DCAF1: variants seen among roughly 807,000 people sequenced by gnomAD.
DCAF1 encodes the protein DDB1 and CUL4 associated factor 1.
A neutral mutation model predicts 128.0 loss-of-function variants in DCAF1; 15 were observed. The observed-to-expected ratio is 0.12, with a 90% CI of 0.08 to 0.18. The LOEUF is 0.18. Among genes scored for constraint, DCAF1 ranks in the 10% least tolerant of loss-of-function variants. The pLI, the probability that DCAF1 is intolerant of heterozygous loss-of-function variation, is 1.00. For missense variants in DCAF1, 988 were observed against 1,649.5 expected, an observed-to-expected ratio of 0.60 and a Z score of 6.95; for synonymous variants, 610 against 603.0, an observed-to-expected ratio of 1.01 and a Z score of -0.17.
chr3:51,483,226 G>C (rs1424574901), intron 3 of DCAF1, among the ~76,000 whole-genome samples: 1 of 148,534 alleles, frequency 6.7e-6, no homozygotes, highest in African/African-American at 2.5e-5. Context: ...ATCACCTAAG[G>C]TAAGGAGTTC....
intron 9 of DCAF1, among the ~76,000 whole-genome samples, chr3:51,439,188 T>C (rs1553637911): frequency 6.6e-6 from 1 of 151,874 alleles, no homozygotes; most frequent in Admixed American, 6.6e-5. Flanking sequence ...AGGCTCACCC[T>C]AGTGATCTTA....
At chr3:51,417,613 G>A (rs891753380) in intron 17 of DCAF1, among the ~76,000 whole-genome samples, 2 of 151,966 alleles carry the variant, frequency 1.3e-5, no homozygotes, top group African/African-American at 4.8e-5. Context: ...CCAGCTGCTC[G>A]GGAGGCTAAG....
At chr3:51,467,401 G>A (rs1704240578) in intron 4 of DCAF1, among the ~76,000 whole-genome samples, 3 of 152,034 alleles carry the variant, frequency 2.0e-5, no homozygotes, top group Admixed American at 2.0e-4. Flanking sequence ...CTATTGCGAG[G>A]ACAAAAAACC....
chr3:51,483,378 T>C (rs781916682), intron 3 of DCAF1, among the ~76,000 whole-genome samples: 14 of 149,850 alleles, frequency 9.3e-5, no homozygotes, highest in Non-Finnish European at 1.9e-4. Flanking sequence ...AGACGGAGGT[T>C]GCAGTGAGCC....
intron 2 of DCAF1, among the ~76,000 whole-genome samples, chr3:51,488,257 C>T (rs539312451): frequency 1.1e-3 from 167 of 152,300 alleles, no homozygotes; most frequent in African/African-American, 4.0e-3. Flanking sequence ...TTCCATGAAA[C>T]CATCATTACT....
rs797025926 is a variant in DCAF1, at chr3:51,422,293, A to G, written c.1972+14T>C. On this transcript the variant is annotated intron_variant, in intron 14 of 24. Coordinates refer to ENST00000684031, the MANE Select transcript of DCAF1 (RefSeq NM_001387579.1). Reference sequence around the variant, plus strand: ...CAGACCAAGAAACAACAAAAATGGCAAAGTACAACCTACCTACAGTAGAGA... The same window carrying G: ...CAGACCAAGAAACAACAAAAATGGCGAAGTACAACCTACCTACAGTAGAGA... 4 of 759,472 alleles carry G rather than the reference A, an allele frequency of 5.3e-6. No individual in the cohort carries two copies. Among genetic ancestry groups the G allele is most frequent in the South Asian group, 4.2e-5 (3 of 70,598 alleles). The allele number at this position is 759,472 out of a possible 1,614,324, so 47.0% of individuals were successfully genotyped here. A position where few individuals can be genotyped will look rare whatever the true frequency, so the allele number is the denominator to read the frequency against.
chr3:51,457,680 A>G (rs1362233460), intron 6 of DCAF1, among the ~76,000 whole-genome samples: 1 of 152,040 alleles, frequency 6.6e-6, no homozygotes, highest in Admixed American at 6.6e-5. Flanking sequence ...CGGGTTACCC[A>G]CAAAGGGAAG....
intron 7 of DCAF1, among the ~76,000 whole-genome samples, 181 bp downstream of exon 7, chr3:51,443,585 G>A (rs374126948): frequency 2.4e-4 from 35 of 146,978 alleles, no homozygotes; most frequent in Admixed American, 3.4e-4. Flanking sequence ...GCAAGACTCC[G>A]TCTCAAAAAA....
intron 6 of DCAF1, among the ~76,000 whole-genome samples, chr3:51,453,791 A>G (rs1170641986): frequency 3.9e-5 from 6 of 152,106 alleles, no homozygotes; most frequent in African/African-American, 1.4e-4. Flanking sequence ...CATCTCTACT[A>G]AAAATATAAA....
At chr3:51,425,557 ATC>A (rs1699830055) in intron 13 of DCAF1, among the ~76,000 whole-genome samples, 1 of 86,274 alleles carries the variant, frequency 1.2e-5, no homozygotes, top group Non-Finnish European at 2.5e-5. Context: ...GTAAGCTGTC[ATC>A]TTTTTTTTTT....
chr3:51,424,636 T>A (rs1341485970), intron 13 of DCAF1, among the ~76,000 whole-genome samples: 1 of 152,082 alleles, frequency 6.6e-6, no homozygotes, highest in Non-Finnish European at 1.5e-5. Flanking sequence ...AACACTAAAT[T>A]AGCCATCAAT....
intron 2 of DCAF1, among the ~76,000 whole-genome samples, chr3:51,487,466 AT>A (rs1326892515): frequency 1.3e-5 from 2 of 152,124 alleles, no homozygotes; most frequent in Non-Finnish European, 2.9e-5. Context: ...AGATTTCACC[AT>A]TTTTCAAATC....
At chr3:51,496,213 T>G (rs1056094885) in intron 2 of DCAF1, among the ~76,000 whole-genome samples, 1 of 151,856 alleles carries the variant, frequency 6.6e-6, no homozygotes, top group Non-Finnish European at 1.5e-5. Flanking sequence ...GATCACAAGG[T>G]CAGGAGTTCG....
At chr3:51,468,279 C>T (rs1704352193) in intron 4 of DCAF1, among the ~76,000 whole-genome samples, 1 of 152,198 alleles carries the variant, frequency 6.6e-6, no homozygotes, top group African/African-American at 2.4e-5. Flanking sequence ...TCAAGCAATT[C>T]TCCTGCCTCA....
intron 4 of DCAF1, among the ~76,000 whole-genome samples, chr3:51,468,340 TCC>T (rs1362288763): frequency 6.6e-6 from 1 of 152,134 alleles, no homozygotes; most frequent in Admixed American, 6.6e-5. Context: ...CTCAGCTAAT[TCC>T]TGTATTTTTA....
intron 19 of DCAF1, 111 bp downstream of exon 19, chr3:51,414,513 T>C: frequency 3.5e-6 from 5 of 1,430,392 alleles, no homozygotes; most frequent in Non-Finnish European, 4.7e-6. Flanking sequence ...GGCACCATAT[T>C]ATTACCAGTG....
intron 2 of DCAF1, among the ~76,000 whole-genome samples, chr3:51,487,689 TCTC>T (rs2108479970): frequency 6.6e-6 from 1 of 151,958 alleles, no homozygotes; most frequent in Admixed American, 6.6e-5. Context: ...TCTCTCTCTC[TCTC>T]CTCTTTCCTC....
At chr3:51,396,123 T>C (rs1553622866), downstream of DCAF1, 1 of 406,840 alleles carries the variant, frequency 2.5e-6, no homozygotes, top group Non-Finnish European at 4.5e-6. Flanking sequence ...CAAAACTTCT[T>C]CTCTGGGCTA....
chr3:51,401,658 C>A (rs1243510253), intron 24 of DCAF1, among the ~76,000 whole-genome samples: 1 of 152,200 alleles, frequency 6.6e-6, no homozygotes, highest in African/African-American at 2.4e-5. Flanking sequence ...AGGCCAAATA[C>A]AAACTGAGTG....
Sources: gnomAD v4.1 joint callset for allele counts (sites outside exome capture counted in the v4.1 genomes callset) on GRCh38, gnomAD v4.1.1 for gene constraint, MANE v1.5 for transcripts, NCBI Gene and HGNC (gene_info 2026-07-23, HGNC 2026-07-21) for gene names.